The following PTPN4 variants were observed in gnomAD, a reference collection of about 807,000 sequenced individuals.
PTPN4 encodes the protein protein tyrosine phosphatase non-receptor type 4.
A neutral mutation model predicts 135.5 loss-of-function variants in PTPN4; 49 were observed. That is an observed-to-expected ratio of 0.36 (90% CI 0.29 to 0.46). The LOEUF is 0.46. PTPN4 is among the 20% of genes least tolerant of loss of function. The pLI, the probability that PTPN4 is intolerant of heterozygous loss-of-function variation, is 1.00. For missense variants in PTPN4, 860 were observed against 1,101.0 expected, an observed-to-expected ratio of 0.78 and a Z score of 3.10; for synonymous variants, 333 against 369.9, an observed-to-expected ratio of 0.90 and a Z score of 1.14.
intron 5 of PTPN4, 140 bp downstream of exon 5, chr2:119,877,682 C>A: frequency 8.4e-7 from 1 of 1,188,906 alleles, no homozygotes; most frequent in Non-Finnish European, 1.1e-6. Flanking sequence ...ATGGCTATTC[C>A]AAGATAACGT....
intron 9 of PTPN4, among the ~76,000 whole-genome samples, chr2:119,893,730 C>T (rs1413666024): frequency 6.6e-6 from 1 of 152,072 alleles, no homozygotes; most frequent in Admixed American, 6.6e-5. Context: ...ATCAAAGACA[C>T]AAATGTGTGT....
At chr2:119,833,641 G>A (rs915259362) in intron 2 of PTPN4, among the ~76,000 whole-genome samples, 2 of 152,042 alleles carry the variant, frequency 1.3e-5, no homozygotes, top group African/African-American at 2.4e-5. Context: ...TCGGAGTTAC[G>A]GATGCGTTCC....
chr2:119,910,124 G>A (rs926421367), intron 10 of PTPN4, among the ~76,000 whole-genome samples: 5 of 152,042 alleles, frequency 3.3e-5, no homozygotes, highest in African/African-American at 1.2e-4. Context: ...GTAGGTAAGT[G>A]CTATCAAATA....
Position 119,935,342 on chromosome 2 carries a change from A to G in PTPN4, c.1355+384A>G, listed in dbSNP as rs928895235. On this transcript the variant is annotated intron_variant, in intron 15 of 26. Coordinates refer to ENST00000263708, the MANE Select transcript of PTPN4 (RefSeq NM_002830.4). Reference sequence around the variant, plus strand: ...AAATTAAAATACTTACAAGATATGTAGATAGGTAAGAAGATTTTTTAATTT... The same window carrying G: ...AAATTAAAATACTTACAAGATATGTGGATAGGTAAGAAGATTTTTTAATTT... Among the ~76,000 whole-genome samples the G allele has an allele frequency of 1.3e-5, 2 of 152,212 alleles. 1 individual carries two copies. Among genetic ancestry groups the G allele is most frequent in the Non-Finnish European group, 2.9e-5 (2 of 68,046 alleles).
At chr2:119,845,210 TC>T (rs1315810382) in intron 2 of PTPN4, among the ~76,000 whole-genome samples, 4 of 109,776 alleles carry the variant, frequency 3.6e-5, no homozygotes, top group Non-Finnish European at 7.2e-5. Context: ...CAGCTTCGGC[TC>T]CGCATGAGAG....
At chr2:119,934,698 T>C (rs946214101) in intron 14 of PTPN4, 102 bp from the exon 15 acceptor site, 6 of 1,219,298 alleles carry the variant, frequency 4.9e-6, no homozygotes, top group South Asian at 1.3e-5. Flanking sequence ...ATGGCTTGAC[T>C]TAAAAACACA....
At chr2:119,975,904 A>G (rs953204773) in intron 26 of PTPN4, among the ~76,000 whole-genome samples, 1 of 151,976 alleles carries the variant, frequency 6.6e-6, no homozygotes, top group Non-Finnish European at 1.5e-5. Context: ...AATGAAGTCT[A>G]GTCTAGTCTC....
intron 22 of PTPN4, among the ~76,000 whole-genome samples, chr2:119,959,988 C>A (rs1276491026): frequency 6.6e-6 from 1 of 152,092 alleles, no homozygotes; most frequent in East Asian, 1.9e-4. Context: ...ACAAGCAGAA[C>A]AACATTATAT....
At chr2:119,945,014 G>T in intron 15 of PTPN4, 67 bp from the exon 16 acceptor site, 2 of 1,416,348 alleles carry the variant, frequency 1.4e-6, no homozygotes, top group Non-Finnish European at 1.9e-6. Flanking sequence ...TTGTAAATAT[G>T]TGGGTTGCTT....
chr2:119,947,604 A>C (rs940404844), intron 18 of PTPN4, among the ~76,000 whole-genome samples: 2 of 152,088 alleles, frequency 1.3e-5, no homozygotes, highest in East Asian at 3.8e-4. Flanking sequence ...TCTGCTTTTC[A>C]TCTGTTTCTT....
At chr2:119,952,241 A>G in intron 19 of PTPN4, 112 bp downstream of exon 19, 2 of 1,000,626 alleles carry the variant, frequency 2.0e-6, no homozygotes. Context: ...TTTCCTGCTC[A>G]AAGCACAGTG....
At chr2:119,794,058 G>A (rs1691207505) in intron 1 of PTPN4, among the ~76,000 whole-genome samples, 1 of 151,678 alleles carries the variant, frequency 6.6e-6, no homozygotes, top group Non-Finnish European at 1.5e-5. Flanking sequence ...ATATTGTCCA[G>A]GCTGGTCTTG....
intron 3 of PTPN4, among the ~76,000 whole-genome samples, chr2:119,872,967 C>T (rs1177888153): frequency 3.3e-5 from 5 of 152,018 alleles, no homozygotes. Context: ...ACAATAGGAA[C>T]CCTGAACAGT....
intron 9 of PTPN4, among the ~76,000 whole-genome samples, chr2:119,888,607 G>C (rs1389062719): frequency 6.6e-6 from 1 of 152,054 alleles, no homozygotes; most frequent in Non-Finnish European, 1.5e-5. Flanking sequence ...TCTTCATTCT[G>C]TTCTTGTGAT....
chr2:119,907,702 A>G (rs1444488943), intron 10 of PTPN4, among the ~76,000 whole-genome samples: 1 of 152,216 alleles, frequency 6.6e-6, no homozygotes, highest in Non-Finnish European at 1.5e-5. Context: ...ACATCAAATT[A>G]TCCTGTGAAG....
At chr2:119,843,591 C>G (rs1215089464) in intron 2 of PTPN4, among the ~76,000 whole-genome samples, 1 of 99,832 alleles carries the variant, frequency 1.0e-5, no homozygotes, top group Admixed American at 9.2e-5. Context: ...CCTCACCTCC[C>G]GGACGGGGCG....
chr2:119,969,436 A>G (rs926636706), intron 26 of PTPN4, among the ~76,000 whole-genome samples: 14 of 152,208 alleles, frequency 9.2e-5, no homozygotes, highest in African/African-American at 3.4e-4. Flanking sequence ...TATTTGAAGC[A>G]AATCCTAGAT....
At chr2:119,866,597 A>G (rs1416629265) in intron 3 of PTPN4, among the ~76,000 whole-genome samples, 1 of 152,134 alleles carries the variant, frequency 6.6e-6, no homozygotes, top group Non-Finnish European at 1.5e-5. Flanking sequence ...TATGAAAATC[A>G]CTACTCTAAC....
In PTPN4 at chr2:119,807,277, A is replaced by G. The variant is rs139803648; in HGVS notation, c.-17-2560A>G. On this transcript the variant is annotated intron_variant, in intron 1 of 26. Coordinates refer to ENST00000263708, the MANE Select transcript of PTPN4 (RefSeq NM_002830.4). ...ACGCAAAAAACCCTTCAAAAAATCA[A>G]TGAATCCAGAAGCTGGTTTTTTGAA... is the stretch of plus-strand genomic sequence containing the variant. Among the ~76,000 whole-genome samples, 96 of 152,320 alleles carry G rather than the reference A, an allele frequency of 6.3e-4. 3 individuals carry two copies. The East Asian group carries it at 0.017, about 27-fold the overall frequency.
Sources: allele counts gnomAD v4.1 joint callset (sites outside exome capture counted in the v4.1 genomes callset), GRCh38; gene constraint gnomAD v4.1.1; transcripts MANE v1.5; gene names NCBI Gene and HGNC (gene_info 2026-07-23, HGNC 2026-07-21).